Variants in PEX11G observed in about 807,000 individuals in gnomAD.
PEX11G encodes peroxisomal biogenesis factor 11 gamma, also known as peroxisomal membrane protein 11C.
In PEX11G, 20 loss-of-function variants were observed where a neutral mutation model predicts 22.5. The observed-to-expected ratio is 0.89, with a 90% CI of 0.62 to 1.29. The LOEUF (loss-of-function observed/expected upper bound fraction) is 1.29, where lower values mean the gene tolerates loss of function less well. Among genes scored for constraint, PEX11G ranks in the 50% most tolerant of loss-of-function variants. The pLI, the probability that PEX11G is intolerant of heterozygous loss-of-function variation, is 0.00. For synonymous variants in PEX11G, 141 were observed against 154.5 expected, an observed-to-expected ratio of 0.91 and a Z score of 0.65; for missense variants, 347 against 331.3, an observed-to-expected ratio of 1.05 and a Z score of -0.37.
upstream of PEX11G, chr19:7,489,286 A>G (rs182350071): frequency 1.6e-6 from 2 of 1,230,028 alleles, no homozygotes; most frequent in African/African-American, 3.2e-5. Context: ...ACAAAAAAAT[A>G]TATTTCTAAG....
upstream of PEX11G, chr19:7,489,139 T>C (rs554466923): frequency 2.4e-6 from 3 of 1,234,840 alleles, no homozygotes; most frequent in Non-Finnish European, 3.2e-6. Flanking sequence ...CTGACCGGCT[T>C]TTTGTCCGCT....
intron 3 of PEX11G, among the ~76,000 whole-genome samples, chr19:7,480,866 G>A (rs1003482896): frequency 2.6e-5 from 4 of 152,184 alleles, no homozygotes; most frequent in Non-Finnish European, 1.5e-5. Flanking sequence ...TTCAGGGGCA[G>A]GGGATTCTGA....
At chr19:7,478,168 C>T (rs1476124529) in intron 4 of PEX11G, 146 bp downstream of exon 4, 13 of 817,650 alleles carry the variant, frequency 1.6e-5, no homozygotes, top group African/African-American at 6.8e-5. Flanking sequence ...TAAAAGGTAC[C>T]GCCACCCACC....
In PEX11G at chr19:7,482,166, C is replaced by A. The variant is rs144344998; in HGVS notation, c.295G>T (p.Ala99Ser). 8.8e-6 allele frequency: 14 copies of A among 1,587,728 alleles called. No individual in the cohort carries two copies. The highest frequency in any genetic ancestry group is 1.7e-4 in the Middle Eastern group (1 of 6,032). The change falls in exon 3 of 5, where the codon GCT becomes TCT. Residue 99 changes from alanine to serine, a missense_variant. Physicochemically the swap from Ala to Ser is moderately conservative, Grantham distance 99. Coordinates refer to ENST00000221480, the MANE Select transcript of PEX11G (RefSeq NM_080662.4). ...TCACAGGGGTAGTAGAGCTGGTCAG[C>A]CAGGTTCCCTAGGACGGAGACACAG... ...VRCVSVLGNL[A>S]DQLYYPCEHV...
At chr19:7,489,617 C>T (rs1429045737), upstream of PEX11G, 1 of 554,276 alleles carries the variant, frequency 1.8e-6, no homozygotes, top group South Asian at 7.8e-5. Context: ...ATTTTTATCA[C>T]CCCCAAGAGA....
upstream of PEX11G, among the ~76,000 whole-genome samples, chr19:7,490,761 G>C (rs551536586): frequency 7.0e-6 from 1 of 141,884 alleles, no homozygotes; most frequent in African/African-American, 2.6e-5. Context: ...CCAGGATGAT[G>C]CCCAGAGCTT....
chr19:7,489,205 C>A (rs556589612), upstream of PEX11G: 73 of 1,124,272 alleles, frequency 6.5e-5, 1 homozygote, highest in African/African-American at 1.0e-3. Flanking sequence ...GCTCTCCAGG[C>A]CTGCAGACCC....
In PEX11G at chr19:7,483,894, G is replaced by A. The variant is rs372824252; in HGVS notation, c.250-1683C>T. 6.2e-4 allele frequency among the ~76,000 whole-genome samples: 95 copies of A among 152,264 alleles called. No individual in the cohort carries two copies. The East Asian group carries it at 0.01, about 16-fold the overall frequency. ...GATGGCTCTCTAGATAGGCTGGCAC[G>A]CCTGTGGGACGCCGCAGGGACAAGG... On this transcript the variant is annotated intron_variant, in intron 2 of 4. Coordinates refer to ENST00000221480, the MANE Select transcript of PEX11G (RefSeq NM_080662.4).
At position 7,488,988 on chromosome 19, in the gene PEX11G, G is replaced by A. The variant is rs1322473419; in HGVS notation, c.23C>T (p.Ala8Val). ...GCCCCTGTACGACTCCAGCGCCGAC[G>A]CCAGGCCGCTCAGCGACGCCATGGC... is the stretch of plus-strand genomic sequence containing the variant. Reference protein sequence around the residue: MASLSGLASALESYRGRD... With the variant: MASLSGLVSALESYRGRD... Residue 8 changes from alanine (A) to valine (V), a missense_variant, in exon 1 of 5, where the codon GCG becomes GTG. Ala to Val is a moderately conservative substitution (Grantham distance 64, BLOSUM62 0). Coordinates refer to ENST00000221480, the MANE Select transcript of PEX11G (RefSeq NM_080662.4). The A allele has an allele frequency of 5.2e-6, 8 of 1,547,622 alleles. No homozygotes were observed. The highest frequency in any genetic ancestry group is 1.4e-5 in the African/African-American group (1 of 71,816).
intron 2 of PEX11G, among the ~76,000 whole-genome samples, chr19:7,484,638 T>C (rs1433432131): frequency 6.6e-6 from 1 of 151,380 alleles, no homozygotes; most frequent in Admixed American, 6.6e-5. Context: ...CCAGGCATGG[T>C]GGGGGGTGCC....
At position 7,478,193 on chromosome 19, in the gene PEX11G, C is replaced by CT. The variant is rs1977319072; in HGVS notation, c.491+120dup. ...CGCCACCCACCAGAGGCTGTGATGA[C>CT]TCCCCCATGACCTGAGCACAACAGT... On this transcript the variant is annotated intron_variant, in intron 4 of 4. Transcript: ENST00000221480. 5 of 1,048,524 alleles carry CT rather than the reference C, an allele frequency of 4.8e-6. No homozygotes were observed. In the South Asian group the frequency reaches 7.5e-5, roughly 16 times the overall value. The allele number at this position is 1,048,524 out of a possible 1,614,324, so 65.0% of individuals were successfully genotyped here. A position where few individuals can be genotyped will look rare whatever the true frequency, so the allele number is the denominator to read the frequency against.
chr19:7,479,854 G>T (rs1223280766), intron 3 of PEX11G, among the ~76,000 whole-genome samples: 1 of 152,196 alleles, frequency 6.6e-6, no homozygotes, highest in East Asian at 1.9e-4. Flanking sequence ...GGCATCAGTT[G>T]TAACAAATGC....
upstream of PEX11G, among the ~76,000 whole-genome samples, chr19:7,493,489 C>G (rs1418482765): frequency 6.6e-6 from 1 of 151,174 alleles, no homozygotes; most frequent in Admixed American, 6.6e-5. Context: ...GCCACCATGC[C>G]CAGCCTCTTT....
At chr19:7,480,597 G>C (rs1977445785) in intron 3 of PEX11G, among the ~76,000 whole-genome samples, 2 of 152,196 alleles carry the variant, frequency 1.3e-5, no homozygotes, top group African/African-American at 4.8e-5. Context: ...TTGGATTGTG[G>C]GTAATTCGAA....
upstream of PEX11G, among the ~76,000 whole-genome samples, chr19:7,491,921 G>A (rs1053162262): frequency 6.6e-6 from 1 of 152,188 alleles, no homozygotes; most frequent in Non-Finnish European, 1.5e-5. Flanking sequence ...GCCTCCCAAA[G>A]TGCTGGGATT....
chr19:7,492,744 G>T (rs975486740), upstream of PEX11G, among the ~76,000 whole-genome samples: 1 of 152,036 alleles, frequency 6.6e-6, no homozygotes, highest in African/African-American at 2.4e-5. Context: ...GTCTGGCCTC[G>T]ATGTTAACCA....
chr19:7,483,701 G>GCTGA (rs1413408132), intron 2 of PEX11G, among the ~76,000 whole-genome samples: 1 of 152,218 alleles, frequency 6.6e-6, no homozygotes, highest in East Asian at 1.9e-4. Flanking sequence ...GACACGTGGT[G>GCTGA]CTGAACACGG....
chr19:7,484,120 C>T (rs539257609), intron 2 of PEX11G, among the ~76,000 whole-genome samples: 18 of 152,050 alleles, frequency 1.2e-4, no homozygotes, highest in African/African-American at 1.7e-4. Flanking sequence ...CTTTGGGAGG[C>T]GGGGCAGGTG....
At chr19:7,491,416 C>T (rs555651071), upstream of PEX11G, among the ~76,000 whole-genome samples, 27 of 151,630 alleles carry the variant, frequency 1.8e-4, no homozygotes, top group South Asian at 1.7e-3. Context: ...AGTACAGGTG[C>T]GCACCACCAC....
Sources: allele counts gnomAD v4.1 joint callset (sites outside exome capture counted in the v4.1 genomes callset), GRCh38; gene constraint gnomAD v4.1.1; transcripts MANE v1.5; gene names NCBI Gene and HGNC (gene_info 2026-07-23, HGNC 2026-07-21).